Variants in TMEM135 observed in about 807,000 individuals in gnomAD.
The protein encoded by TMEM135 is transmembrane protein 135.
TMEM135 carries 30 observed loss-of-function variants against 60.3 expected under a neutral mutation model. The observed-to-expected ratio is 0.50, with a 90% CI of 0.37 to 0.68. The LOEUF is 0.68. Ranked by LOEUF, TMEM135 falls within the 30% of genes least tolerant of loss-of-function variation. The pLI is 0.00. For missense variants in TMEM135, 468 were observed against 548.8 expected, an observed-to-expected ratio of 0.85 and a Z score of 1.47; for synonymous variants, 190 against 186.7, an observed-to-expected ratio of 1.02 and a Z score of -0.14.
intron 5 of TMEM135, among the ~76,000 whole-genome samples, chr11:87,160,900 G>C (rs1233379543): frequency 6.6e-6 from 1 of 152,026 alleles, no homozygotes; most frequent in Non-Finnish European, 1.5e-5. Context: ...TCATTTTTCT[G>C]TGTTGAATTT....
At chr11:87,291,800 C>T (rs1489967125) in intron 6 of TMEM135, among the ~76,000 whole-genome samples, 2 of 152,108 alleles carry the variant, frequency 1.3e-5, no homozygotes, top group African/African-American at 4.8e-5. Context: ...ACCTCAGCCT[C>T]CCAAAGTGCT....
chr11:87,053,367 C>T (rs931714626), intron 1 of TMEM135, among the ~76,000 whole-genome samples: 7 of 151,780 alleles, frequency 4.6e-5, no homozygotes, highest in African/African-American at 1.5e-4. Flanking sequence ...GGAATGCAGA[C>T]TTATGTTGTA....
At position 87,324,344 on chromosome 11, in the gene TMEM135, C is replaced by T. The variant is rs1336400719; in HGVS notation, c.*3011C>T. 1 of 454,008 alleles carries T rather than the reference C, an allele frequency of 2.2e-6. No individual in the cohort carries two copies. Among genetic ancestry groups the T allele is most frequent in the East Asian group, 7.0e-5 (1 of 14,378 alleles). The allele number at this position is 454,008 out of a possible 1,614,324, so 28.1% of individuals were successfully genotyped here. A position where few individuals can be genotyped will look rare whatever the true frequency, so the allele number is the denominator to read the frequency against. On this transcript the variant is annotated 3_prime_UTR_variant, in exon 15 of 15. Coordinates refer to ENST00000305494, the MANE Select transcript of TMEM135 (RefSeq NM_022918.4). ...TCTTGTGGGACTGAAGGGAACTGAC[C>T]ACTGGAGCAATGGCCCAAATGTTGT... is the stretch of plus-strand genomic sequence containing the variant.
chr11:87,043,199 C>T (rs1949766139), intron 1 of TMEM135, among the ~76,000 whole-genome samples: 1 of 151,846 alleles, frequency 6.6e-6, no homozygotes, highest in South Asian at 2.1e-4. Flanking sequence ...AGGTGATCCA[C>T]CTGCCTCAGC....
At chr11:87,218,274 T>C (rs1009820991) in intron 5 of TMEM135, among the ~76,000 whole-genome samples, 6 of 152,152 alleles carry the variant, frequency 3.9e-5, no homozygotes, top group African/African-American at 1.4e-4. Context: ...AGTGGGCCCT[T>C]TGATCTTTAA....
At chr11:87,252,293 G>A (rs746267324) in intron 6 of TMEM135, among the ~76,000 whole-genome samples, 3 of 151,924 alleles carry the variant, frequency 2.0e-5, no homozygotes, top group Non-Finnish European at 4.4e-5. Context: ...ACATTTAGGG[G>A]TAGATTATTA....
At chr11:87,056,509 A>G (rs1333465953) in intron 1 of TMEM135, among the ~76,000 whole-genome samples, 9 of 152,214 alleles carry the variant, frequency 5.9e-5, no homozygotes, top group Non-Finnish European at 8.8e-5. Context: ...GGTGGTTAGG[A>G]TTACCCTATC....
At chr11:87,152,691 G>A (rs1938587360) in intron 4 of TMEM135, among the ~76,000 whole-genome samples, 1 of 152,074 alleles carries the variant, frequency 6.6e-6, no homozygotes, top group African/African-American at 2.4e-5. Flanking sequence ...CACCCGCCTC[G>A]GCCTCCCAAG....
At chr11:87,131,217 T>C (rs757401395) in intron 4 of TMEM135, among the ~76,000 whole-genome samples, 9 of 152,238 alleles carry the variant, frequency 5.9e-5, no homozygotes, top group Non-Finnish European at 1.0e-4. Flanking sequence ...TTATTATTAA[T>C]TGAAGCTTAT....
chr11:87,141,551 G>A (rs688542), intron 4 of TMEM135, among the ~76,000 whole-genome samples: 72,274 of 151,906 alleles, frequency 0.48, 17,473 homozygotes, highest in East Asian at 0.67. Flanking sequence ...TTCTTTCCCA[G>A]TGTTTATTTT....
rs1334466170 is a variant in TMEM135 at position 87,163,743 on chromosome 11, G to C, written c.462+6337G>C. Among the ~76,000 whole-genome samples the C allele has an allele frequency of 3.2e-4, 48 of 147,766 alleles. 2 individuals are homozygous for C. In the South Asian group the frequency reaches 9.9e-3, roughly 31 times the overall value. ...ATGATTGCCATTCTAACTGGTGTGA[G>C]ATGGTATCTCACTGTGGTTTTGATT... On this transcript the variant is annotated intron_variant, in intron 5 of 14. Coordinates refer to ENST00000305494, the MANE Select transcript of TMEM135 (RefSeq NM_022918.4).
At chr11:87,271,914 T>C (rs1049261599) in intron 6 of TMEM135, among the ~76,000 whole-genome samples, 1 of 152,140 alleles carries the variant, frequency 6.6e-6, no homozygotes, top group African/African-American at 2.4e-5. Context: ...TTAGTCTGGG[T>C]GATGTCAGAG....
intron 4 of TMEM135, among the ~76,000 whole-genome samples, chr11:87,153,729 C>G (rs781114266): frequency 1.3e-5 from 2 of 152,184 alleles, no homozygotes; most frequent in Middle Eastern, 3.2e-3. Flanking sequence ...CAAATTGACT[C>G]TATCGCTAAT....
At chr11:87,229,206 A>G (rs1002308113) in intron 5 of TMEM135, among the ~76,000 whole-genome samples, 2 of 152,156 alleles carry the variant, frequency 1.3e-5, no homozygotes, top group African/African-American at 4.8e-5. Flanking sequence ...TGTTGATAAT[A>G]AAATTCCATG....
At chr11:87,081,004 A>T (rs1856980916) in intron 3 of TMEM135, among the ~76,000 whole-genome samples, 1 of 151,990 alleles carries the variant, frequency 6.6e-6, no homozygotes, top group Non-Finnish European at 1.5e-5. Context: ...TTTGATATTG[A>T]TATAGCTACT....
At chr11:87,271,286 A>C (rs1017133735) in intron 6 of TMEM135, among the ~76,000 whole-genome samples, 1 of 152,210 alleles carries the variant, frequency 6.6e-6, no homozygotes, top group African/African-American at 2.4e-5. Context: ...GGTCACATTA[A>C]TGTACTATGA....
rs1856960209 is a variant in TMEM135, at chr11:87,080,171, T to TG, written c.362+8556_362+8557insG. Among the ~76,000 whole-genome samples, 5 of 150,230 alleles carry TG rather than the reference T, an allele frequency of 3.3e-5. No homozygotes were observed. In the South Asian group the frequency reaches 1.1e-3, roughly 32 times the overall value. On this transcript the variant is annotated intron_variant, in intron 3 of 14. Transcript: ENST00000305494. Reference sequence around the variant, plus strand: ...TCTTCTTTTGCCTGTTTGCAGTGTTTTTTTTTTTTTTTTTGATATCAACAA... The same window carrying TG: ...TCTTCTTTTGCCTGTTTGCAGTGTTTGTTTTTTTTTTTTTTGATATCAACAA...
At chr11:87,293,746 T>C (rs1451660204) in intron 6 of TMEM135, among the ~76,000 whole-genome samples, 8 of 152,244 alleles carry the variant, frequency 5.3e-5, no homozygotes. Flanking sequence ...ACATTTTCTT[T>C]ATCCATTTGA....
intron 12 of TMEM135, 61 bp downstream of exon 12, chr11:87,314,608 G>A: frequency 7.4e-7 from 1 of 1,349,166 alleles, no homozygotes; most frequent in Admixed American, 1.7e-5. Context: ...GCTGCTGACT[G>A]TTTTAGCAGC....
Sources: allele counts gnomAD v4.1 joint callset (sites outside exome capture counted in the v4.1 genomes callset), GRCh38; gene constraint gnomAD v4.1.1; transcripts MANE v1.5; gene names NCBI Gene and HGNC (gene_info 2026-07-23, HGNC 2026-07-21).